Variants in SHOC2 observed in about 807,000 individuals in gnomAD.
SHOC2 encodes the protein leucine-rich repeat protein SHOC-2.
A neutral mutation model predicts 50.2 loss-of-function variants in SHOC2; 4 were observed. That is an observed-to-expected ratio of 0.08 (90% CI 0.04 to 0.18). The LOEUF (loss-of-function observed/expected upper bound fraction) is 0.18, where lower values mean the gene tolerates loss of function less well. Among genes scored for constraint, SHOC2 ranks in the 10% least tolerant of loss-of-function variants. The pLI, the probability that SHOC2 is intolerant of heterozygous loss-of-function variation, is 1.00. For missense variants in SHOC2, 388 were observed against 669.6 expected, an observed-to-expected ratio of 0.58 and a Z score of 4.64; for synonymous variants, 218 against 244.5, an observed-to-expected ratio of 0.89 and a Z score of 1.01.
chr10:111,000,225 G>T (rs556012269), intron 3 of SHOC2, among the ~76,000 whole-genome samples, 190 bp from the exon 4 acceptor site: 1 of 152,224 alleles, frequency 6.6e-6, no homozygotes, highest in East Asian at 1.9e-4. Flanking sequence ...TCCGAGACAA[G>T]TGAGCATAAA....
At position 111,009,260 on chromosome 10, in the gene SHOC2, T is replaced by C; in HGVS notation, c.1297T>C (p.Ser433Pro). The stretch of plus-strand genomic sequence containing the variant: ...AATTTCTCATTAGGTTCTTATCTTA[T>C]CAAACAATCTTCTAAAGAAGCTTCC... ...GLVSLEVLILSNNLLKKLPHG... is the reference protein window; with the variant it reads ...GLVSLEVLILPNNLLKKLPHG... The change falls in exon 7 of 9, where the codon TCA becomes CCA. Residue 433 changes from serine to proline, a missense_variant. Ser to Pro is a moderately conservative substitution (Grantham distance 74). Around this residue, in one of 5 missense-constraint regions of SHOC2, gnomAD observed 130 missense variants for 208.6 expected, o/e 0.62. Transcript: ENST00000369452. 6.4e-7 allele frequency: 1 copy of C among 1,569,324 alleles called. No homozygotes were observed. The highest frequency in any genetic ancestry group is 8.8e-7 in the Non-Finnish European group (1 of 1,140,088).
At chr10:110,982,322 G>A (rs1287730798) in intron 2 of SHOC2, among the ~76,000 whole-genome samples, 3 of 151,182 alleles carry the variant, frequency 2.0e-5, no homozygotes, top group Non-Finnish European at 4.4e-5. Flanking sequence ...ACATACGTGT[G>A]CATGTGTCTT....
chr10:110,965,505 A>G (rs1308768391), intron 2 of SHOC2, among the ~76,000 whole-genome samples: 2 of 152,166 alleles, frequency 1.3e-5, no homozygotes, highest in South Asian at 4.1e-4. Flanking sequence ...ATTTACCACA[A>G]AAGGTTGACA....
At chr10:110,965,766 A>G (rs1847662172) in intron 2 of SHOC2, among the ~76,000 whole-genome samples, 1 of 152,192 alleles carries the variant, frequency 6.6e-6, no homozygotes, top group South Asian at 2.1e-4. Context: ...AAAATAGGGA[A>G]TATAAACGCG....
chr10:110,965,820 A>G (rs1847663626), intron 2 of SHOC2, among the ~76,000 whole-genome samples: 1 of 152,140 alleles, frequency 6.6e-6, no homozygotes, highest in South Asian at 2.1e-4. Flanking sequence ...TGGCATTTTT[A>G]ATTATGGAAA....
At chr10:110,966,049 T>A (rs1444147858) in intron 2 of SHOC2, among the ~76,000 whole-genome samples, 2 of 152,108 alleles carry the variant, frequency 1.3e-5, no homozygotes, top group Non-Finnish European at 2.9e-5. Flanking sequence ...ATTGGTCTTA[T>A]AATGAGTGAT....
chr10:111,009,744 C>T lies in SHOC2; in HGVS notation c.1454C>T (p.Thr485Ile). The T allele has an allele frequency of 6.2e-7, 1 of 1,612,330 alleles. No individual in the cohort carries two copies. The highest frequency in any genetic ancestry group is 8.5e-7 in the Non-Finnish European group (1 of 1,178,480). The change falls in exon 8 of 9, where the codon ACT becomes ATT. Residue 485 changes from threonine (T) to isoleucine (I), a missense_variant. By Grantham distance (89) the Thr-to-Ile change is moderately conservative. This residue lies in a region of SHOC2 where 130 missense variants were observed against 208.6 expected (regional missense o/e 0.62). Coordinates refer to ENST00000369452, the MANE Select transcript of SHOC2 (RefSeq NM_007373.4). ...KLVLTNNQLTTLPRGIGHLTN... is the reference protein window; with the variant it reads ...KLVLTNNQLTILPRGIGHLTN... ...GTCTTGACAAACAACCAGTTGACCA[C>T]TCTTCCCAGAGGCATTGGTCACCTT...
chr10:110,973,122 C>T (rs1234723098), intron 2 of SHOC2, among the ~76,000 whole-genome samples: 1 of 152,204 alleles, frequency 6.6e-6, no homozygotes, highest in Non-Finnish European at 1.5e-5. Context: ...GGTATAAATT[C>T]TGACCTCTCT....
At chr10:110,920,032 C>T (rs1846589424) in intron 1 of SHOC2, 1 of 149,498 alleles carries the variant, frequency 6.7e-6, no homozygotes, top group South Asian at 1.9e-4. Flanking sequence ...GCCGGGGGCC[C>T]CCGGCGGACA....
chr10:110,975,602 A>AT (rs369738387), intron 2 of SHOC2, among the ~76,000 whole-genome samples: 37 of 143,636 alleles, frequency 2.6e-4, no homozygotes, highest in Non-Finnish European at 4.7e-4. Context: ...CCTTTGTTTA[A>AT]TTTTTTTTTC....
intron 3 of SHOC2, among the ~76,000 whole-genome samples, chr10:110,995,845 C>G (rs11195398): frequency 6.6e-6 from 1 of 152,090 alleles, no homozygotes; most frequent in Non-Finnish European, 1.5e-5. Context: ...TATTTTCCCT[C>G]TTTGCTTATC....
intron 1 of SHOC2, among the ~76,000 whole-genome samples, chr10:110,938,276 A>C (rs1050110552): frequency 3.3e-5 from 5 of 152,006 alleles, no homozygotes; most frequent in African/African-American, 1.2e-4. Context: ...GAAGCTAAGT[A>C]TTTTTTCCAC....
intron 4 of SHOC2, 116 bp from the exon 5 acceptor site, chr10:111,004,490 T>G (rs188803618): frequency 3.4e-5 from 25 of 733,094 alleles, no homozygotes; most frequent in African/African-American, 3.0e-4. Flanking sequence ...CCAACCAGTC[T>G]CTGTCATTTG....
In SHOC2 at chr10:110,979,450, C is replaced by T. The variant is rs1326516141; in HGVS notation, c.704-6178C>T. ...CTCAAGGGGAGGGGTAATTATATAACGTATACAATTATTCATGAGGCAGGG... is the reference window on the plus strand; with the variant it reads ...CTCAAGGGGAGGGGTAATTATATAATGTATACAATTATTCATGAGGCAGGG... On this transcript the variant is annotated intron_variant, in intron 2 of 8. Transcript: ENST00000369452. 5.3e-5 allele frequency among the ~76,000 whole-genome samples: 8 copies of T among 152,112 alleles called. No homozygotes were observed. In the South Asian group the frequency reaches 1.5e-3, roughly 28 times the overall value.
chr10:110,943,545 G>A (rs1427524914), intron 1 of SHOC2, among the ~76,000 whole-genome samples: 2 of 152,080 alleles, frequency 1.3e-5, no homozygotes, highest in Admixed American at 1.3e-4. Flanking sequence ...TAACTTACAG[G>A]AGATTTGATA....
chr10:110,924,775 A>G (rs74411180), intron 1 of SHOC2, among the ~76,000 whole-genome samples: 6,744 of 152,264 alleles, frequency 0.044, 193 homozygotes, highest in East Asian at 0.1. Flanking sequence ...TAATGTTTCA[A>G]AATCATACTT....
At chr10:110,999,330 C>T (rs557349658) in intron 3 of SHOC2, among the ~76,000 whole-genome samples, 163 of 152,162 alleles carry the variant, frequency 1.1e-3, no homozygotes, top group South Asian at 6.4e-3. Flanking sequence ...TTATTTTTAA[C>T]GTATATTGTT....
intron 1 of SHOC2, among the ~76,000 whole-genome samples, chr10:110,956,089 T>C (rs956990164): frequency 2.0e-5 from 3 of 152,326 alleles, no homozygotes; most frequent in Admixed American, 6.5e-5. Flanking sequence ...TAGAGAATTA[T>C]AGACTTTGCA....
At chr10:110,946,022 C>T (rs1279899969) in intron 1 of SHOC2, among the ~76,000 whole-genome samples, 1 of 152,072 alleles carries the variant, frequency 6.6e-6, no homozygotes, top group Non-Finnish European at 1.5e-5. Context: ...AACTGATACC[C>T]TACACAGAAC....
Sources: gnomAD v4.1 joint callset for allele counts (sites outside exome capture counted in the v4.1 genomes callset) on GRCh38, gnomAD v4.1.1 for gene constraint, gnomAD v4.1.1 regional missense constraint, MANE v1.5 for transcripts, NCBI Gene and HGNC (gene_info 2026-07-23, HGNC 2026-07-21) for gene names.